The following CDH12 variants were observed in gnomAD, a reference collection of about 807,000 sequenced individuals.
CDH12 encodes cadherin-12.
In CDH12, 41 loss-of-function variants were observed where a neutral mutation model predicts 74.1. The ratio of observed to expected loss-of-function variants is 0.55; its 90% CI spans 0.43 to 0.72. CDH12 has a LOEUF of 0.72. Among genes scored for constraint, CDH12 ranks in the 30% least tolerant of loss-of-function variants. The pLI is 0.00. For synonymous variants in CDH12, 399 were observed against 355.0 expected (o/e 1.12, Z -1.39); for missense variants, 945 against 977.2 (o/e 0.97, Z 0.44).
intron 1 of CDH12, among the ~76,000 whole-genome samples, chr5:22,787,363 C>G (rs1293060630): frequency 1.3e-5 from 2 of 152,118 alleles, no homozygotes; most frequent in Non-Finnish European, 2.9e-5. Flanking sequence ...TAATGTGACT[C>G]TATTCCAATT....
intron 3 of CDH12, among the ~76,000 whole-genome samples, chr5:22,252,826 A>T (rs1753180749): frequency 6.7e-6 from 1 of 149,812 alleles, no homozygotes; most frequent in Non-Finnish European, 1.5e-5. Context: ...ATGTCCAGGA[A>T]TTTTTTTTTT....
chr5:22,162,983 G>A (rs1748454947), intron 4 of CDH12, among the ~76,000 whole-genome samples: 1 of 138,888 alleles, frequency 7.2e-6, no homozygotes, highest in Admixed American at 7.8e-5. Context: ...TGCAAGCTCC[G>A]CCTCCCAGGT....
At chr5:22,777,868 C>T (rs1455042003) in intron 1 of CDH12, among the ~76,000 whole-genome samples, 2 of 151,988 alleles carry the variant, frequency 1.3e-5, no homozygotes, top group East Asian at 3.9e-4. Context: ...GGCTGGAGTG[C>T]AGTGCTGTGA....
intron 8 of CDH12, among the ~76,000 whole-genome samples, chr5:21,836,462 A>AACACACACACACACACACAC (rs60658949): frequency 1.5e-4 from 21 of 143,526 alleles, no homozygotes; most frequent in Non-Finnish European, 2.4e-4. Context: ...TAGAAAGGAA[A>AACACACACACACACACACAC]ACACACACAC....
intron 2 of CDH12, among the ~76,000 whole-genome samples, chr5:22,425,357 A>G (rs1268768831): frequency 6.6e-6 from 1 of 151,184 alleles, no homozygotes; most frequent in Non-Finnish European, 1.5e-5. Flanking sequence ...TTGCCTTAAT[A>G]ATAGTGTGTC....
intron 10 of CDH12, among the ~76,000 whole-genome samples, chr5:21,789,175 T>C (rs1746358034): frequency 6.6e-6 from 1 of 152,306 alleles, no homozygotes; most frequent in South Asian, 2.1e-4. Flanking sequence ...GTATTATATA[T>C]GTTACATACA....
chr5:22,782,114 G>C (rs1002088059), intron 1 of CDH12, among the ~76,000 whole-genome samples: 1 of 152,100 alleles, frequency 6.6e-6, no homozygotes, highest in Non-Finnish European at 1.5e-5. Context: ...GACTCACCTT[G>C]TCTCAAATGA....
At chr5:21,770,885 A>G (rs1745288207) in intron 11 of CDH12, among the ~76,000 whole-genome samples, 1 of 152,162 alleles carries the variant, frequency 6.6e-6, no homozygotes, top group South Asian at 2.1e-4. Flanking sequence ...GGGCCATAAG[A>G]AAGAATAAGA....
At chr5:22,651,713 T>G (rs987058582) in intron 1 of CDH12, among the ~76,000 whole-genome samples, 2 of 151,602 alleles carry the variant, frequency 1.3e-5, no homozygotes, top group Non-Finnish European at 1.5e-5. Flanking sequence ...TTTTTTTTTT[T>G]CAGAGTAATA....
In CDH12 at chr5:22,078,985, A is replaced by G. The variant is rs1289681422; in HGVS notation, c.-186-123T>C. The G allele has an allele frequency of 1.3e-5, 4 of 298,526 alleles. No homozygotes were observed. In the East Asian group the frequency reaches 3.6e-4, roughly 27 times the overall value. 18.5% of individuals were successfully genotyped at this position (298,526 alleles called of 1,614,324 possible). A position where few individuals can be genotyped will look rare whatever the true frequency, so the allele number is the denominator to read the frequency against. ...AGAAGAAAGACTATAAAAGAATTAT[A>G]TTAGTAAACGGTCACCGCTATTCAA... is the stretch of plus-strand genomic sequence containing the variant. On this transcript the variant is annotated intron_variant, in intron 4 of 14. Transcript: ENST00000382254.
intron 3 of CDH12, among the ~76,000 whole-genome samples, chr5:22,249,325 G>A (rs911759506): frequency 1.3e-5 from 2 of 152,162 alleles, no homozygotes; most frequent in African/African-American, 2.4e-5. Context: ...ATAGGAAAGA[G>A]AGGAAAGCAG....
chr5:22,750,919 A>T (rs967140975), intron 1 of CDH12, among the ~76,000 whole-genome samples: 2 of 145,144 alleles, frequency 1.4e-5, no homozygotes, highest in East Asian at 3.9e-4. Flanking sequence ...ATCATAGTGA[A>T]AAAAAAAAAA....
intron 6 of CDH12, among the ~76,000 whole-genome samples, chr5:21,879,158 T>A (rs1410724465): frequency 6.6e-6 from 1 of 152,206 alleles, no homozygotes; most frequent in Non-Finnish European, 1.5e-5. Context: ...AGTATAGTAA[T>A]CATTCTCATG....
At chr5:22,237,987 A>T (rs750786766) in intron 3 of CDH12, among the ~76,000 whole-genome samples, 1 of 152,184 alleles carries the variant, frequency 6.6e-6, no homozygotes, top group Non-Finnish European at 1.5e-5. Flanking sequence ...TAAGCGATTG[A>T]CCTTCTCTTC....
intron 3 of CDH12, among the ~76,000 whole-genome samples, chr5:22,342,143 G>A (rs1229341672): frequency 2.0e-5 from 3 of 152,032 alleles, no homozygotes; most frequent in Non-Finnish European, 2.9e-5. Flanking sequence ...ATCCCATTAT[G>A]AGGCCTCACA....
chr5:22,406,361 T>C (rs760606035), intron 2 of CDH12, among the ~76,000 whole-genome samples: 7 of 152,148 alleles, frequency 4.6e-5, no homozygotes, highest in Non-Finnish European at 1.0e-4. Context: ...TTCACTACCC[T>C]AACTTGCAGT....
At chr5:22,481,927 G>C (rs890374651) in intron 2 of CDH12, among the ~76,000 whole-genome samples, 1 of 152,042 alleles carries the variant, frequency 6.6e-6, no homozygotes, top group Non-Finnish European at 1.5e-5. Context: ...TAGAGTGAAG[G>C]ATAAGTTATT....
intron 1 of CDH12, among the ~76,000 whole-genome samples, chr5:22,728,239 T>C (rs1744263957): frequency 6.6e-6 from 1 of 151,858 alleles, no homozygotes; most frequent in Admixed American, 6.6e-5. Flanking sequence ...TATTTCCATG[T>C]GGCAGATTTT....
intron 1 of CDH12, among the ~76,000 whole-genome samples, chr5:22,512,943 AC>A (rs2126674320): frequency 6.6e-6 from 1 of 152,196 alleles, no homozygotes; most frequent in South Asian, 2.1e-4. Context: ...GGTGCCGGTA[AC>A]CCAGGAGGGT....
Sources: gnomAD v4.1 joint callset for allele counts (sites outside exome capture counted in the v4.1 genomes callset) on GRCh38, gnomAD v4.1.1 for gene constraint, MANE v1.5 for transcripts, NCBI Gene and HGNC (gene_info 2026-07-23, HGNC 2026-07-21) for gene names.